Variants in LTBP1 observed in about 807,000 individuals in gnomAD.
LTBP1 encodes the protein latent transforming growth factor beta binding protein 1.
Under a neutral mutation model 207.6 loss-of-function variants are expected in LTBP1, and 129 were observed. The observed-to-expected ratio is 0.62, with a 90% CI of 0.54 to 0.72. The LOEUF (loss-of-function observed/expected upper bound fraction) is 0.72. Ranked by LOEUF, LTBP1 falls within the 30% of genes least tolerant of loss-of-function variation. The pLI is 0.00. For missense variants in LTBP1, 2,281 were observed against 2,217.2 expected, an observed-to-expected ratio of 1.03 and a Z score of -0.58; for synonymous variants, 963 against 833.7, an observed-to-expected ratio of 1.16 and a Z score of -2.67.
chr2:33,045,927 G>T (rs927483875), intron 3 of LTBP1, among the ~76,000 whole-genome samples: 1 of 152,136 alleles, frequency 6.6e-6, no homozygotes, highest in African/African-American at 2.4e-5. Flanking sequence ...TCTATTATTG[G>T]TGTATAGGGA....
chr2:33,361,106 A>G (rs1054606794), intron 27 of LTBP1, among the ~76,000 whole-genome samples: 2 of 152,222 alleles, frequency 1.3e-5, no homozygotes, highest in Admixed American at 6.5e-5. Flanking sequence ...TATTGAAGCT[A>G]TGATTTCGTG....
At chr2:33,218,147 A>G (rs2090851727) in intron 8 of LTBP1, among the ~76,000 whole-genome samples, 1 of 152,220 alleles carries the variant, frequency 6.6e-6, no homozygotes, top group Admixed American at 6.5e-5. Flanking sequence ...GTTGATTTGT[A>G]AAAGAGAAAT....
chr2:33,105,918 T>A (rs1432734737), intron 3 of LTBP1, among the ~76,000 whole-genome samples: 2 of 152,224 alleles, frequency 1.3e-5, no homozygotes, highest in East Asian at 3.8e-4. Context: ...TGATAGCATT[T>A]TACGCACAAT....
At chr2:32,977,410 CG>C (rs1381603399) in intron 2 of LTBP1, among the ~76,000 whole-genome samples, 3 of 152,134 alleles carry the variant, frequency 2.0e-5, no homozygotes, top group Non-Finnish European at 2.9e-5. Flanking sequence ...GACCACTGGG[CG>C]GGAAGTTGGC....
intron 2 of LTBP1, among the ~76,000 whole-genome samples, chr2:32,982,739 C>A (rs113982264): frequency 0.039 from 6,013 of 152,264 alleles, 195 homozygotes; most frequent in Non-Finnish European, 0.066. Flanking sequence ...AAGCCCCGAG[C>A]CTTGGCAGCT....
At chr2:33,093,721 AATC>A (rs1231614933) in intron 3 of LTBP1, among the ~76,000 whole-genome samples, 2 of 152,128 alleles carry the variant, frequency 1.3e-5, no homozygotes, top group Admixed American at 1.3e-4. Flanking sequence ...TGCAAAGAGA[AATC>A]ATAATTGTGA....
At chr2:33,199,587 C>G (rs928037124) in intron 7 of LTBP1, among the ~76,000 whole-genome samples, 1 of 152,144 alleles carries the variant, frequency 6.6e-6, no homozygotes, top group Non-Finnish European at 1.5e-5. Flanking sequence ...CCCTCTCTCA[C>G]CATTCCTATT....
At chr2:33,157,480 A>G (rs958517626) in intron 5 of LTBP1, among the ~76,000 whole-genome samples, 4 of 152,226 alleles carry the variant, frequency 2.6e-5, no homozygotes, top group African/African-American at 7.2e-5. Context: ...CTTGGAGAGC[A>G]TCTCATTCAT....
chr2:33,339,658 T>C (rs1056740131), intron 24 of LTBP1, among the ~76,000 whole-genome samples: 3 of 152,106 alleles, frequency 2.0e-5, no homozygotes, highest in Non-Finnish European at 2.9e-5. Flanking sequence ...GTCCTTTTTT[T>C]TTTTGAGACG....
chr2:33,382,508 A>C (rs140049913), intron 31 of LTBP1, among the ~76,000 whole-genome samples: 1 of 152,236 alleles, frequency 6.6e-6, no homozygotes, highest in East Asian at 1.9e-4. Flanking sequence ...TTTCAAGCTG[A>C]AGCCTTTCCC....
intron 3 of LTBP1, among the ~76,000 whole-genome samples, chr2:33,095,362 G>T (rs1269182071): frequency 1.3e-5 from 2 of 152,098 alleles, no homozygotes; most frequent in African/African-American, 4.8e-5. Flanking sequence ...GCTGATCCTG[G>T]GGAGACTCCA....
intron 24 of LTBP1, among the ~76,000 whole-genome samples, chr2:33,324,291 G>T (rs1223031594): frequency 6.8e-6 from 1 of 146,494 alleles, no homozygotes; most frequent in Non-Finnish European, 1.5e-5. Flanking sequence ...TGTTATAATT[G>T]TTATAATTTT....
Position 33,188,791 on chromosome 2 carries a change from C to G in LTBP1, c.1641C>G (p.Val547=). The change falls in exon 7 of 34, where the codon GTC becomes GTG. Residue 547 remains valine (V), a synonymous_variant. Coordinates refer to ENST00000404816, the MANE Select transcript of LTBP1 (RefSeq NM_206943.4). ...CCCACCAGCAGGTCATTCCTCACGT[C>G]TACCCCGTGGCTGCTAAGACACAGC... The part of the protein sequence containing the change: ...TYSHQQVIPH[V]YPVAAKTQLG... 6.2e-7 allele frequency: 1 copy of G among 1,614,218 alleles called. No homozygotes were observed. Among genetic ancestry groups the G allele is most frequent in the African/African-American group, 1.3e-5 (1 of 75,058 alleles).
At chr2:33,238,839 A>C (rs1385604738) in intron 9 of LTBP1, among the ~76,000 whole-genome samples, 1 of 152,218 alleles carries the variant, frequency 6.6e-6, no homozygotes, top group African/African-American at 2.4e-5. Flanking sequence ...AATCCTGATG[A>C]GGTAGAAGGA....
chr2:33,139,005 C>T lies in LTBP1; in HGVS notation c.1201+4045C>T, dbSNP rs949464376. 2.5e-4 allele frequency among the ~76,000 whole-genome samples: 38 copies of T among 150,808 alleles called. 1 individual carries two copies. In the Middle Eastern group the frequency reaches 0.031, roughly 123 times the overall value. On this transcript the variant is annotated intron_variant, in intron 5 of 33. Transcript: ENST00000404816. ...TCCCGAGTAGCTGGGACTACAGGCG[C>T]CCGCTACCACGCCCGGCTAATTTTT...
At chr2:33,260,898 C>A (rs3769534) in intron 13 of LTBP1, among the ~76,000 whole-genome samples, 3,940 of 152,242 alleles carry the variant, frequency 0.026, 162 homozygotes, top group East Asian at 0.17. Flanking sequence ...ATCTAAAAAA[C>A]CCCCAAAATT....
intron 26 of LTBP1, among the ~76,000 whole-genome samples, chr2:33,356,556 G>T (rs1008201644): frequency 2.6e-5 from 4 of 152,162 alleles, no homozygotes; most frequent in African/African-American, 9.7e-5. Flanking sequence ...GCAGGCGCCT[G>T]TAGTCCCAGC....
intron 6 of LTBP1, among the ~76,000 whole-genome samples, chr2:33,188,174 A>T (rs1210892272): frequency 6.6e-6 from 1 of 152,188 alleles, no homozygotes; most frequent in Non-Finnish European, 1.5e-5. Context: ...TAATCCCAGC[A>T]CTTTGGGAGG....
intron 3 of LTBP1, among the ~76,000 whole-genome samples, chr2:33,091,061 A>C (rs147317189): frequency 6.6e-6 from 1 of 152,282 alleles, no homozygotes; most frequent in African/African-American, 2.4e-5. Flanking sequence ...TAGGAATGCT[A>C]TGCCTCTGGG....
Sources: allele counts gnomAD v4.1 joint callset (sites outside exome capture counted in the v4.1 genomes callset), GRCh38; gene constraint gnomAD v4.1.1; transcripts MANE v1.5; gene names NCBI Gene and HGNC (gene_info 2026-07-23, HGNC 2026-07-21).